The following SYN3 variants were observed in gnomAD, a reference collection of about 807,000 sequenced individuals.
SYN3 encodes the protein synapsin-3.
Under a neutral mutation model 65.8 loss-of-function variants are expected in SYN3, and 35 were observed. The ratio of observed to expected loss-of-function variants is 0.53; its 90% CI spans 0.41 to 0.70. The LOEUF is 0.70. Among genes scored for constraint, SYN3 ranks in the 30% least tolerant of loss-of-function variants. The pLI is 0.00. For synonymous variants in SYN3, 270 were observed against 292.9 expected (o/e 0.92, Z 0.80); for missense variants, 680 against 749.0 (o/e 0.91, Z 1.08).
chr22:32,832,831 G>A (rs555851036), intron 6 of SYN3, among the ~76,000 whole-genome samples: 38 of 152,016 alleles, frequency 2.5e-4, no homozygotes, highest in Non-Finnish European at 4.3e-4. Context: ...AGGCTCAAGT[G>A]ATCCGTTTCC....
At chr22:32,759,017 C>G (rs2045376952) in intron 6 of SYN3, among the ~76,000 whole-genome samples, 1 of 151,926 alleles carries the variant, frequency 6.6e-6, no homozygotes, top group South Asian at 2.1e-4. Flanking sequence ...CCATGGAGGA[C>G]CATTAACCAC....
intron 6 of SYN3, among the ~76,000 whole-genome samples, chr22:32,605,500 C>T (rs2059360170): frequency 1.3e-5 from 2 of 152,192 alleles, no homozygotes. Context: ...TGGGGCTAAG[C>T]ACTTTACATA....
At chr22:32,697,665 T>C (rs2060755273) in intron 6 of SYN3, among the ~76,000 whole-genome samples, 1 of 152,214 alleles carries the variant, frequency 6.6e-6, no homozygotes, top group Non-Finnish European at 1.5e-5. Flanking sequence ...ATATGTTCAC[T>C]GAGGGTCAGC....
chr22:32,633,618 A>C (rs1317144892), intron 6 of SYN3, among the ~76,000 whole-genome samples: 1 of 152,052 alleles, frequency 6.6e-6, no homozygotes, highest in East Asian at 1.9e-4. Flanking sequence ...AAGGAAAGGA[A>C]AAATAATCTT....
chr22:32,815,202 C>G (rs9606996), intron 6 of SYN3, among the ~76,000 whole-genome samples: 11 of 152,278 alleles, frequency 7.2e-5, no homozygotes, highest in African/African-American at 2.4e-4. Context: ...TGGGGCTGTT[C>G]GAGGTACTTT....
intron 6 of SYN3, among the ~76,000 whole-genome samples, chr22:32,674,175 T>C (rs1305577781): frequency 6.6e-6 from 1 of 152,134 alleles, no homozygotes; most frequent in Non-Finnish European, 1.5e-5. Context: ...GCCAGGTTTC[T>C]GGTTTAGCAG....
chr22:32,532,722 A>G (rs1422882596), intron 10 of SYN3, among the ~76,000 whole-genome samples: 3 of 152,090 alleles, frequency 2.0e-5, no homozygotes, highest in Non-Finnish European at 2.9e-5. Context: ...CGAGGCAGAC[A>G]TGAGAGACGG....
chr22:32,802,202 C>CT, intron 6 of SYN3: 1 of 1,513,248 alleles, frequency 6.6e-7, no homozygotes, highest in Admixed American at 2.0e-5. Flanking sequence ...GGGCGAGCCC[C>CT]ACTCCTTTCC....
chr22:32,817,217 C>CAA (rs130285), intron 6 of SYN3, among the ~76,000 whole-genome samples: 3 of 144,762 alleles, frequency 2.1e-5, no homozygotes, highest in African/African-American at 5.1e-5. Flanking sequence ...GACTCTATCT[C>CAA]AAAAAAAAAA....
At chr22:32,652,653 T>C (rs2146958737) in intron 6 of SYN3, among the ~76,000 whole-genome samples, 1 of 152,264 alleles carries the variant, frequency 6.6e-6, no homozygotes, top group African/African-American at 2.4e-5. Flanking sequence ...CCTCGGAATT[T>C]ATGCTATAAA....
intron 1 of SYN3, among the ~76,000 whole-genome samples, chr22:33,018,203 T>C (rs1569408440): frequency 6.6e-6 from 1 of 152,180 alleles, no homozygotes; most frequent in Non-Finnish European, 1.5e-5. Context: ...GGTCCACAGA[T>C]GTGAAAGTGG....
At chr22:32,672,677 C>T (rs1409012486) in intron 6 of SYN3, among the ~76,000 whole-genome samples, 3 of 152,206 alleles carry the variant, frequency 2.0e-5, no homozygotes, top group Non-Finnish European at 4.4e-5. Flanking sequence ...CACCTTCCTG[C>T]GTGGGAACCC....
intron 6 of SYN3, among the ~76,000 whole-genome samples, chr22:32,764,748 G>C (rs1569206684): frequency 6.6e-6 from 1 of 152,170 alleles, no homozygotes; most frequent in Admixed American, 6.5e-5. Context: ...CCTGACTGGA[G>C]ACCCCAAGGC....
chr22:32,533,754 G>T (rs1261301176), intron 10 of SYN3, 39 bp downstream of exon 10: 8 of 1,485,318 alleles, frequency 5.4e-6, no homozygotes, highest in African/African-American at 1.4e-5. Flanking sequence ...CGCCTGCCAG[G>T]CTGGACCAGC....
intron 6 of SYN3, among the ~76,000 whole-genome samples, chr22:32,761,859 G>C (rs1429885034): frequency 2.6e-5 from 4 of 152,160 alleles, no homozygotes; most frequent in Non-Finnish European, 5.9e-5. Flanking sequence ...TTTGCCTGGT[G>C]GAATTTTCCT....
intron 7 of SYN3, among the ~76,000 whole-genome samples, chr22:32,576,490 C>T (rs906861515): frequency 6.6e-6 from 1 of 152,148 alleles, no homozygotes; most frequent in African/African-American, 2.4e-5. Flanking sequence ...TCAATAAATA[C>T]ACGGTTTATG....
chr22:32,857,405 C>T (rs764994733), intron 6 of SYN3: 34 of 1,457,400 alleles, frequency 2.3e-5, no homozygotes, highest in Non-Finnish European at 3.1e-5. Context: ...GGCCAAGGTC[C>T]ACTGTTTCTT....
At position 32,857,235 on chromosome 22, in the gene SYN3, C is replaced by G. The variant is rs753332932; in HGVS notation, c.711+7680G>C. 5.6e-6 allele frequency: 9 copies of G among 1,600,262 alleles called. No homozygotes were observed. The highest frequency in any genetic ancestry group is 1.7e-5 in the Admixed American group (1 of 59,986). ...CTGGGAAAGAAGAAGTCATGATGTT[C>G]CTTTTGCCCACAGATGTACCGAGGC... is the stretch of plus-strand genomic sequence containing the variant. On this transcript the variant is annotated intron_variant, in intron 6 of 13. Coordinates refer to ENST00000358763, the MANE Select transcript of SYN3 (RefSeq NM_003490.4).
chr22:32,763,492 A>G (rs1185673317), intron 6 of SYN3, among the ~76,000 whole-genome samples: 1 of 152,114 alleles, frequency 6.6e-6, no homozygotes, highest in African/African-American at 2.4e-5. Flanking sequence ...GAAGTTTTAC[A>G]TTGGTACATA....
Sources: allele counts gnomAD v4.1 joint callset (sites outside exome capture counted in the v4.1 genomes callset), GRCh38; gene constraint gnomAD v4.1.1; transcripts MANE v1.5; gene names NCBI Gene and HGNC (gene_info 2026-07-23, HGNC 2026-07-21).